NCAPD3: variants seen among roughly 807,000 people sequenced by gnomAD.
NCAPD3 encodes condensin-2 complex subunit D3.
Under a neutral mutation model 182.9 loss-of-function variants are expected in NCAPD3, and 105 were observed. The observed-to-expected ratio is 0.57, with a 90% CI of 0.49 to 0.68. The LOEUF is 0.68. Ranked by LOEUF, NCAPD3 falls within the 30% of genes least tolerant of loss-of-function variation. The probability of loss-of-function intolerance (pLI) is 0.00; values close to 1 mark genes in which losing one functional copy is unlikely to be tolerated. For synonymous variants in NCAPD3, 815 were observed against 679.9 expected (o/e 1.20, Z -3.09); for missense variants, 1,944 against 1,837.0 (o/e 1.06, Z -1.07).
At chr11:134,176,524 G>A (rs959662480) in intron 23 of NCAPD3, 138 bp from the exon 24 acceptor site, 56 of 680,602 alleles carry the variant, frequency 8.2e-5, no homozygotes, top group Non-Finnish European at 1.3e-4. Context: ...CCAAACCGTC[G>A]GAATGTAGTG....
At chr11:134,157,491 A>G (rs1254724246) in intron 31 of NCAPD3, among the ~76,000 whole-genome samples, 1 of 152,248 alleles carries the variant, frequency 6.6e-6, no homozygotes, top group Non-Finnish European at 1.5e-5. Context: ...AAAGAACAGG[A>G]TAGTAATAAA....
intron 8 of NCAPD3, among the ~76,000 whole-genome samples, chr11:134,206,043 C>A (rs1394331755): frequency 1.3e-5 from 2 of 152,134 alleles, no homozygotes; most frequent in Admixed American, 6.5e-5. Context: ...CATGTCCTTG[C>A]CAGTGAAACT....
At position 134,203,276 on chromosome 11, in the gene NCAPD3, A is replaced by T. The variant is rs185725308; in HGVS notation, c.1469-78T>A. 2.1e-4 allele frequency: 221 copies of T among 1,065,404 alleles called. No individual in the cohort carries two copies. In the African/African-American group the frequency reaches 3.0e-3, roughly 14 times the overall value. 66.0% of individuals were successfully genotyped at this position (1,065,404 alleles called of 1,614,324 possible). A position where few individuals can be genotyped will look rare whatever the true frequency, so the allele number is the denominator to read the frequency against. Reference sequence around the variant, plus strand: ...AATTATCCACGGAGGAATCAAAATCAAGATAATTAGGCTCAAAGACAAGGC... The same window carrying T: ...AATTATCCACGGAGGAATCAAAATCTAGATAATTAGGCTCAAAGACAAGGC... On this transcript the variant is annotated intron_variant, in intron 11 of 34. Coordinates refer to ENST00000534548, the MANE Select transcript of NCAPD3 (RefSeq NM_015261.3).
chr11:134,200,660 G>A (rs914391074), intron 13 of NCAPD3, among the ~76,000 whole-genome samples: 1 of 152,200 alleles, frequency 6.6e-6, no homozygotes, highest in African/African-American at 2.4e-5. Flanking sequence ...CTTTGAAAAA[G>A]TGTGGTGGTT....
intron 27 of NCAPD3, among the ~76,000 whole-genome samples, chr11:134,164,141 G>C (rs1943682969): frequency 6.6e-6 from 1 of 152,180 alleles, no homozygotes. Context: ...ATCCAGGCTA[G>C]GAGGAAAACA....
chr11:134,224,198 C>G (rs763721909), upstream of NCAPD3: 496 of 560,450 alleles, frequency 8.9e-4, no homozygotes, highest in Non-Finnish European at 6.7e-4. Context: ...GAGTTAAACC[C>G]TAACAGCGTT....
At chr11:134,203,035 G>T in intron 12 of NCAPD3, 107 bp downstream of exon 12, 1 of 1,184,286 alleles carries the variant, frequency 8.4e-7, no homozygotes, top group Non-Finnish European at 1.2e-6. Flanking sequence ...CATGAAAAAA[G>T]TACAATGTTA....
chr11:134,164,943 ACACT>A (rs1452757062), intron 27 of NCAPD3, among the ~76,000 whole-genome samples: 1 of 150,092 alleles, frequency 6.7e-6, no homozygotes, highest in Admixed American at 6.6e-5. Flanking sequence ...GGGGAGGGGC[ACACT>A]CACTTGTGAC....
chr11:134,220,094 G>A (rs997816726), intron 2 of NCAPD3, among the ~76,000 whole-genome samples: 4 of 151,992 alleles, frequency 2.6e-5, no homozygotes, highest in African/African-American at 9.7e-5. Context: ...ATGCCTGGTC[G>A]CAGATTTTCT....
chr11:134,164,345 G>A (rs1315767786), intron 27 of NCAPD3, among the ~76,000 whole-genome samples: 1 of 152,262 alleles, frequency 6.6e-6, no homozygotes, highest in Non-Finnish European at 1.5e-5. Context: ...GAGTAAGTCA[G>A]AGACACCCGG....
chr11:134,199,410 C>A (rs555772237), intron 13 of NCAPD3, among the ~76,000 whole-genome samples: 1 of 152,298 alleles, frequency 6.6e-6, no homozygotes, highest in East Asian at 1.9e-4. Context: ...ACAAAACTCA[C>A]TCCATTGTTT....
intron 27 of NCAPD3, among the ~76,000 whole-genome samples, chr11:134,162,453 G>C (rs1565520271): frequency 6.6e-6 from 1 of 152,076 alleles, no homozygotes; most frequent in South Asian, 2.1e-4. Context: ...TACCTTGAAT[G>C]ATCACTAACC....
intron 13 of NCAPD3, 60 bp downstream of exon 13, chr11:134,202,756 C>A: frequency 5.5e-6 from 7 of 1,263,016 alleles, no homozygotes; most frequent in Non-Finnish European, 7.8e-6. Context: ...TTAGACTCTA[C>A]TTACGGTTGT....
intron 24 of NCAPD3, 122 bp from the exon 25 acceptor site, chr11:134,169,176 T>C: frequency 2.0e-6 from 2 of 989,604 alleles, no homozygotes; most frequent in Non-Finnish European, 2.8e-6. Context: ...TCAAAATCTA[T>C]CCCAATAAAC....
At position 134,203,843 on chromosome 11, in the gene NCAPD3, C is replaced by T; in HGVS notation, c.1279G>A (p.Val427Met). The T allele has an allele frequency of 6.2e-7, 1 of 1,614,132 alleles. No individual in the cohort carries two copies. The highest frequency in any genetic ancestry group is 8.5e-7 in the Non-Finnish European group (1 of 1,179,998). Residue 427 changes from valine (V) to methionine (M), a missense_variant, in exon 11 of 35, where the codon GTG (valine) becomes ATG (methionine). This residue lies in a region of NCAPD3 where 1,803 missense variants were observed against 1,674.6 expected (regional missense o/e 1.08). Transcript: ENST00000534548. Reference sequence around the variant, plus strand: ...TGCTCCAAGGAGAGGGTGTTATCCACCTCTCTTTCAGGCAGTTCTAACAGA... The same window carrying T: ...TGCTCCAAGGAGAGGGTGTTATCCATCTCTCTTTCAGGCAGTTCTAACAGA... ...LALLELPEREVDNTLSLEHQK... is the reference protein window; with the variant it reads ...LALLELPEREMDNTLSLEHQK...
At chr11:134,163,241 C>A (rs1479503166) in intron 27 of NCAPD3, among the ~76,000 whole-genome samples, 3 of 152,016 alleles carry the variant, frequency 2.0e-5, no homozygotes, top group African/African-American at 7.3e-5. Flanking sequence ...ATAAATTTAC[C>A]CATTTTAAAC....
In NCAPD3 at chr11:134,190,555, C is replaced by T. The variant is rs182465462; in HGVS notation, c.2045+2134G>A. 1.2e-4 allele frequency among the ~76,000 whole-genome samples: 19 copies of T among 152,226 alleles called. No homozygotes were observed. The East Asian group carries it at 3.3e-3, about 26-fold the overall frequency. ...AGGCTGGAGTGCAGTGGTGCAATTA[C>T]GGCTCACTGCAGCCTCCACCTCCTG... On this transcript the variant is annotated intron_variant, in intron 16 of 34. Transcript: ENST00000534548.
intron 2 of NCAPD3, among the ~76,000 whole-genome samples, chr11:134,217,790 T>TA (rs1367347714): frequency 1.3e-5 from 2 of 152,100 alleles, no homozygotes; most frequent in Admixed American, 6.5e-5. Flanking sequence ...TTTCCTTAAC[T>TA]AAAAAACTTA....
chr11:134,196,023 G>C (rs1419871993), intron 13 of NCAPD3, among the ~76,000 whole-genome samples: 1 of 152,008 alleles, frequency 6.6e-6, no homozygotes, highest in Non-Finnish European at 1.5e-5. Flanking sequence ...ATAAAAGATG[G>C]AAAACAATAG....
Sources: gnomAD v4.1 joint callset for allele counts (sites outside exome capture counted in the v4.1 genomes callset) on GRCh38, gnomAD v4.1.1 for gene constraint, gnomAD v4.1.1 regional missense constraint, MANE v1.5 for transcripts, NCBI Gene and HGNC (gene_info 2026-07-23, HGNC 2026-07-21) for gene names.